LOXL3: variants seen among roughly 807,000 people sequenced by gnomAD.
LOXL3 encodes lysyl oxidase like 3.
In LOXL3, 60 loss-of-function variants were observed where a neutral mutation model predicts 91.8. That is an observed-to-expected ratio of 0.65 (90% CI 0.53 to 0.81). The LOEUF (loss-of-function observed/expected upper bound fraction) is 0.81. LOXL3 is among the 30% of genes least tolerant of loss of function. LOXL3 has a pLI of 0.00. For synonymous variants in LOXL3, 355 were observed against 387.6 expected (o/e 0.92, Z 0.99); for missense variants, 874 against 1,000.4 (o/e 0.87, Z 1.70).
At position 74,533,971 on chromosome 2, in the gene LOXL3, T is replaced by G. The variant is rs1437104786; in HGVS notation, c.2099A>C (p.Glu700Ala). 6.2e-7 allele frequency: 1 copy of G among 1,614,146 alleles called. No individual in the cohort carries two copies. The highest frequency in any genetic ancestry group is 1.7e-5 in the Admixed American group (1 of 60,014). ...GTTGGTAAAGTCACTCTCTGCTACTTCAAAGTTTGGGTTGATGACAACCTG... is the reference window on the plus strand; with the variant it reads ...GTTGGTAAAGTCACTCTCTGCTACTGCAAAGTTTGGGTTGATGACAACCTG... ...ILQVVINPNF[E>A]VAESDFTNNA... is the part of the protein sequence containing the mutation. Residue 700 changes from glutamate to alanine, a missense_variant, in exon 13 of 14, where the codon GAA (glutamate) becomes GCA (alanine). Physicochemically the swap from Glu to Ala is moderately radical, Grantham distance 107. Coordinates refer to ENST00000264094, the MANE Select transcript of LOXL3 (RefSeq NM_032603.5).
Position 74,553,932 on chromosome 2 carries a change from C to T in LOXL3, c.-69G>A, listed in dbSNP as rs1294999674. The T allele has an allele frequency of 6.7e-6, 1 of 149,008 alleles. No homozygotes were observed. Among genetic ancestry groups the T allele is most frequent in the Non-Finnish European group, 1.5e-5 (1 of 68,054 alleles). 9.2% of individuals were successfully genotyped at this position (149,008 alleles called of 1,614,324 possible). A position where few individuals can be genotyped will look rare whatever the true frequency, so the allele number is the denominator to read the frequency against. On this transcript the variant is annotated 5_prime_UTR_variant, in exon 1 of 14. Transcript: ENST00000264094. ...AAGAGTGCTGGTCCTGGAGATCAGT[C>T]CTAGGACTTCCAAAAAAAAAAAAAA...
intron 4 of LOXL3, among the ~76,000 whole-genome samples, chr2:74,542,974 A>C (rs1676406767): frequency 6.6e-6 from 1 of 151,294 alleles, no homozygotes; most frequent in South Asian, 2.1e-4. Flanking sequence ...CCTACCTATC[A>C]CTCTGCAAAC....
Position 74,532,614 on chromosome 2 carries a change from T to G in LOXL3, c.*992A>C. ...TGGCTAATAGGGTGATCTGTGTACTTTCAGCATCCTTGCTGAACTACAGCT... is the reference window on the plus strand; with the variant it reads ...TGGCTAATAGGGTGATCTGTGTACTGTCAGCATCCTTGCTGAACTACAGCT... On this transcript the variant is annotated 3_prime_UTR_variant, in exon 14 of 14. Coordinates refer to ENST00000264094, the MANE Select transcript of LOXL3 (RefSeq NM_032603.5). The G allele has an allele frequency of 6.2e-7, 1 of 1,613,014 alleles. No homozygotes were observed.
Position 74,549,874 on chromosome 2 carries a change from G to A in LOXL3, c.478-291C>T, listed in dbSNP as rs1573026400. 1 of 985,468 alleles carries A rather than the reference G, an allele frequency of 1.0e-6. No individual in the cohort carries two copies. The allele number at this position is 985,468 out of a possible 1,614,324, so 61.0% of individuals were successfully genotyped here. On this transcript the variant is annotated intron_variant, in intron 3 of 13. Coordinates refer to ENST00000264094, the MANE Select transcript of LOXL3 (RefSeq NM_032603.5). The surrounding 1 kb of genome is among the most constrained non-coding windows in gnomAD (Gnocchi z 5.3). ...CTTCAAAAAGGAAATGGCTTTGAAG[G>A]AGGAGAAAGTCAGAAGGAAGATGTC...
rs1676884906 is a variant in LOXL3, at chr2:74,549,827, G to A, written c.478-244C>T. On this transcript the variant is annotated intron_variant, in intron 3 of 13. Coordinates refer to ENST00000264094, the MANE Select transcript of LOXL3 (RefSeq NM_032603.5). This position sits in a 1 kb window ranked among gnomAD's most constrained non-coding sequence, Gnocchi z 5.3. ...GGGCACTAGGAAGGAGGCCCTCCCT[G>A]TGCCTGGAGCAGGAGGGAGCACTTC... 1 of 985,314 alleles carries A rather than the reference G, an allele frequency of 1.0e-6. No homozygotes were observed. The highest frequency in any genetic ancestry group is 1.2e-6 in the Non-Finnish European group (1 of 829,934). 61.0% of individuals were successfully genotyped at this position (985,314 alleles called of 1,614,324 possible). A position where few individuals can be genotyped will look rare whatever the true frequency, so the allele number is the denominator to read the frequency against.
intron 2 of LOXL3, among the ~76,000 whole-genome samples, chr2:74,550,867 TTC>T (rs1676959948): frequency 6.6e-6 from 1 of 152,162 alleles, no homozygotes; most frequent in South Asian, 2.1e-4. Context: ...CATCCTTGCA[TTC>T]TCTCTTGTGC....
chr2:74,550,160 G>A, intron 3 of LOXL3, 25 bp downstream of exon 3: 1 of 1,606,304 alleles, frequency 6.2e-7, no homozygotes, highest in Admixed American at 1.7e-5. Flanking sequence ...GGTAGTGTGT[G>A]TGTGTATGTC....
Position 74,549,132 on chromosome 2 carries a change from C to T in LOXL3, c.692+237G>A. On this transcript the variant is annotated intron_variant, in intron 4 of 13. Coordinates refer to ENST00000264094, the MANE Select transcript of LOXL3 (RefSeq NM_032603.5). The surrounding 1 kb of genome is among the most constrained non-coding windows in gnomAD (Gnocchi z 5.3). ...GGAATCCGCCTGCCCGCCCAGGCGT[C>T]GGCCACGAGAGAGCGGGAGCCTCGC... is the stretch of plus-strand genomic sequence containing the variant. 2.5e-6 allele frequency: 1 copy of T among 392,520 alleles called. No individual in the cohort carries two copies. Among genetic ancestry groups the T allele is most frequent in the Non-Finnish European group, 4.4e-6 (1 of 225,870 alleles). The allele number at this position is 392,520 out of a possible 1,614,324, so 24.3% of individuals were successfully genotyped here.
At chr2:74,539,132 C>G (rs2104407443) in intron 4 of LOXL3, among the ~76,000 whole-genome samples, 1 of 152,290 alleles carries the variant, frequency 6.6e-6, no homozygotes, top group African/African-American at 2.4e-5. Context: ...GGCCCCCTGA[C>G]CACTCGGGGT....
rs370509755 is a variant in LOXL3, at chr2:74,548,567, G to C, written c.692+802C>G. Among the ~76,000 whole-genome samples the C allele has an allele frequency of 4.0e-4, 61 of 152,282 alleles. 1 individual carries two copies. Among genetic ancestry groups the C allele is most frequent in the African/African-American group, 1.4e-3 (60 of 41,558 alleles). On this transcript the variant is annotated intron_variant, in intron 4 of 13. Transcript: ENST00000264094. ...AGCAATACTGATCTAGGGAACCACT[G>C]AAGAAAGGGAGGATTTTTGGCTCGC...
Position 74,532,525 on chromosome 2 carries a change from A to G in LOXL3, c.*1081T>C. On this transcript the variant is annotated 3_prime_UTR_variant, in exon 14 of 14. Transcript: ENST00000264094. Reference sequence around the variant, plus strand: ...AGTACCTAGCCCATGTCCTGTCCATATATTTATCAATGTGTTGATGAGAGA... The same window carrying G: ...AGTACCTAGCCCATGTCCTGTCCATGTATTTATCAATGTGTTGATGAGAGA... 2.2e-6 allele frequency: 2 copies of G among 929,426 alleles called. No individual in the cohort carries two copies. Among genetic ancestry groups the G allele is most frequent in the Non-Finnish European group, 3.5e-6 (2 of 576,836 alleles). 57.6% of individuals were successfully genotyped at this position (929,426 alleles called of 1,614,324 possible). A position where few individuals can be genotyped will look rare whatever the true frequency, so the allele number is the denominator to read the frequency against.
At chr2:74,551,413 T>G (rs1002520363) in intron 2 of LOXL3, among the ~76,000 whole-genome samples, 1 of 152,268 alleles carries the variant, frequency 6.6e-6, no homozygotes, top group African/African-American at 2.4e-5. Flanking sequence ...CTTGTGACTC[T>G]TCATGACTTT....
At chr2:74,544,699 A>G (rs545915142) in intron 4 of LOXL3, among the ~76,000 whole-genome samples, 4 of 152,346 alleles carry the variant, frequency 2.6e-5, no homozygotes, top group Admixed American at 1.3e-4. Context: ...TTAATACATC[A>G]GGTTTTGATT....
In LOXL3 at chr2:74,534,394, TATC is replaced by T; in HGVS notation, c.1858_1860del (p.Asp620del). 6.2e-7 allele frequency: 1 copy of T among 1,614,240 alleles called. No individual in the cohort carries two copies. The highest frequency in any genetic ancestry group is 8.5e-7 in the Non-Finnish European group (1 of 1,180,030). The stretch of plus-strand genomic sequence containing the variant: ...ACCTTGGTGCCATTTGGGGTGAGGA[TATC>T]ATAGTGAGTGAAGATGTCCATGCTG... On this transcript the variant is annotated inframe_deletion, in exon 11 of 14. Transcript: ENST00000264094.
intron 4 of LOXL3, among the ~76,000 whole-genome samples, chr2:74,545,307 G>A (rs916526464): frequency 6.6e-6 from 1 of 152,126 alleles, no homozygotes; most frequent in Non-Finnish European, 1.5e-5. Context: ...TGGTCTTACT[G>A]CATCAAGACC....
Position 74,534,714 on chromosome 2 carries a change from C to G in LOXL3, c.1640G>C (p.Arg547Pro). The change falls in exon 10 of 14, where the codon CGG (arginine) becomes CCG (proline). Residue 547 changes from arginine to proline, a missense_variant. By Grantham distance (103) the Arg-to-Pro change is moderately radical. Coordinates refer to ENST00000264094, the MANE Select transcript of LOXL3 (RefSeq NM_032603.5). ...LVQETAYIEDRPLHMLYCAAE... is the reference protein window; with the variant it reads ...LVQETAYIEDPPLHMLYCAAE... ...AGCACAGTACAACATATGCAGGGGC[C>G]GGTCTTCGATGTAGGCGGTCTCCTG... The G allele has an allele frequency of 6.2e-7, 1 of 1,614,112 alleles. No individual in the cohort carries two copies. The highest frequency in any genetic ancestry group is 1.1e-5 in the South Asian group (1 of 91,078).
In LOXL3 at chr2:74,536,710, T is replaced by G; in HGVS notation, c.911A>C (p.Glu304Ala). ...GGTCATAATCACTGTCTCACACACC[T>G]CCCCCTGAGGCTTCGACTGTTGTTG... ...KKQQQSKPQG[E>A]ARVRLKGGAH... Residue 304 changes from glutamate (E) to alanine (A), a missense_variant and splice_region_variant, in exon 5 of 14, where the codon GAG becomes GCG. Physicochemically the swap from Glu to Ala is moderately radical, Grantham distance 107. Transcript: ENST00000264094. The surrounding 1 kb of genome is among the most constrained non-coding windows in gnomAD (Gnocchi z 4.5). The G allele has an allele frequency of 5.6e-6, 9 of 1,613,700 alleles. No homozygotes were observed. Among genetic ancestry groups the G allele is most frequent in the Non-Finnish European group, 7.6e-6 (9 of 1,179,686 alleles).
Position 74,552,623 on chromosome 2 carries a change from G to C in LOXL3, c.12C>G (p.Val4=). 6.4e-7 allele frequency: 1 copy of C among 1,562,494 alleles called. No homozygotes were observed. The highest frequency in any genetic ancestry group is 8.7e-7 in the Non-Finnish European group (1 of 1,147,102). Residue 4 remains valine (V), a synonymous_variant, in exon 2 of 14, where the codon GTC becomes GTG. Transcript: ENST00000264094. MRP[V]SVWQWSPWGL... ...CCCAGGGGCTCCACTGCCAGACACT[G>C]ACAGGTCGCATGGCAGGGAAGGCCT...
chr2:74,555,342 G>C, upstream of LOXL3: 1 of 1,613,922 alleles, frequency 6.2e-7, no homozygotes, highest in Non-Finnish European at 8.5e-7. This position sits in a 1 kb window ranked among gnomAD's most constrained non-coding sequence, Gnocchi z 6.1. Context: ...CCCCCCCTGA[G>C]CCCGGCGCCA....
Sources: gnomAD v4.1 joint callset for allele counts (sites outside exome capture counted in the v4.1 genomes callset) on GRCh38, gnomAD v4.1.1 for gene constraint, Gnocchi (gnomAD v3.1) non-coding constraint, MANE v1.5 for transcripts, NCBI Gene and HGNC (gene_info 2026-07-23, HGNC 2026-07-21) for gene names.